The following FILIP1L variants were observed in gnomAD, a reference collection of about 807,000 sequenced individuals.
The protein encoded by FILIP1L is filamin A-interacting protein 1-like.
Under a neutral mutation model 96.6 loss-of-function variants are expected in FILIP1L, and 55 were observed. That is an observed-to-expected ratio of 0.57 (90% CI 0.46 to 0.71). The LOEUF is 0.71. Ranked by LOEUF, FILIP1L falls within the 30% of genes least tolerant of loss-of-function variation. FILIP1L has a pLI of 0.00. For synonymous variants in FILIP1L, 467 were observed against 473.9 expected (o/e 0.99, Z 0.19); for missense variants, 1,304 against 1,321.2 (o/e 0.99, Z 0.20).
At chr3:100,088,082 C>T (rs939655046) in intron 1 of FILIP1L, among the ~76,000 whole-genome samples, 4 of 152,032 alleles carry the variant, frequency 2.6e-5, no homozygotes, top group African/African-American at 7.2e-5. Context: ...CTGCCTGCCT[C>T]GGCCTCCCAA....
rs181565676 is a variant in FILIP1L at position 100,101,577 on chromosome 3, G to A, written c.-11+12476C>T. The stretch of plus-strand genomic sequence containing the variant: ...CTTCAAAGTAACACATGCACTCTCT[G>A]ATCCAGTCCAACACAGGAGGGGTTG... On this transcript the variant is annotated intron_variant, in intron 1 of 5. Transcript: ENST00000477258. Among the ~76,000 whole-genome samples the A allele has an allele frequency of 5.9e-5, 9 of 152,230 alleles. No homozygotes were observed. In the East Asian group the frequency reaches 1.7e-3, roughly 29 times the overall value.
At position 99,849,011 on chromosome 3, in the gene FILIP1L, G is replaced by T; in HGVS notation, c.2665C>A (p.Pro889Thr). ...GTGTGGCTTAGGACTAGATCTCCAG[G>T]TTGCACAAAGTTGGCATTGGGTTTA... ...QTKPNANFVQ[P>T]GDLVLSHTPG... Residue 889 changes from proline to threonine, a missense_variant, in exon 5 of 6, where the codon CCT becomes ACT. By Grantham distance (38) the Pro-to-Thr change is conservative (BLOSUM62 -1). Coordinates refer to ENST00000477258, the MANE Select transcript of FILIP1L (RefSeq NM_001387850.1). 1 of 1,614,124 alleles carries T rather than the reference G, an allele frequency of 6.2e-7. No individual in the cohort carries two copies. The highest frequency in any genetic ancestry group is 1.1e-5 in the South Asian group (1 of 91,072).
intron 1 of FILIP1L, among the ~76,000 whole-genome samples, chr3:100,111,207 A>G (rs777573150): frequency 3.3e-5 from 5 of 152,158 alleles, no homozygotes; most frequent in Non-Finnish European, 7.4e-5. Flanking sequence ...ATGGAGGCAG[A>G]AAGAGGATGG....
chr3:100,009,409 G>A (rs1474617311), intron 1 of FILIP1L, among the ~76,000 whole-genome samples: 2 of 152,134 alleles, frequency 1.3e-5, no homozygotes, highest in African/African-American at 4.8e-5. Context: ...GCTCCTGTTA[G>A]CAACCTGAGC....
chr3:100,101,433 T>A (rs994681593), intron 1 of FILIP1L, among the ~76,000 whole-genome samples: 1 of 151,964 alleles, frequency 6.6e-6, no homozygotes, highest in Non-Finnish European at 1.5e-5. Flanking sequence ...GTAAAGTAGA[T>A]CGGGTTAGAA....
At chr3:100,048,433 A>C (rs1265179350) in intron 1 of FILIP1L, among the ~76,000 whole-genome samples, 2 of 152,130 alleles carry the variant, frequency 1.3e-5, no homozygotes. Context: ...GAGTAGAGCC[A>C]GCTCTTCCCT....
intron 4 of FILIP1L, among the ~76,000 whole-genome samples, chr3:99,864,912 G>A (rs1239923012): frequency 3.3e-5 from 5 of 152,054 alleles, no homozygotes; most frequent in East Asian, 1.9e-4. Context: ...GTGTGTATGT[G>A]CGCACACACG....
At chr3:100,022,120 A>G (rs1317803820) in intron 1 of FILIP1L, among the ~76,000 whole-genome samples, 1 of 152,212 alleles carries the variant, frequency 6.6e-6, no homozygotes, top group Non-Finnish European at 1.5e-5. Flanking sequence ...TTAAATAAAA[A>G]TAGAGGGAAG....
chr3:99,837,298 GT>G (rs1344273033), intron 5 of FILIP1L, among the ~76,000 whole-genome samples: 1 of 152,058 alleles, frequency 6.6e-6, no homozygotes, highest in Non-Finnish European at 1.5e-5. Flanking sequence ...GCAGTTTTTA[GT>G]TAGCTCCTGT....
Position 100,098,230 on chromosome 3 carries a change from C to T in FILIP1L, c.-11+15823G>A, listed in dbSNP as rs114909589. On this transcript the variant is annotated intron_variant, in intron 1 of 5. Coordinates refer to ENST00000477258, the MANE Select transcript of FILIP1L (RefSeq NM_001387850.1). ...ATGACAGGTAAAAAAACAAACTACA[C>T]GGTACCTGTATTGGTGATGATAAGC... 4.6e-3 allele frequency among the ~76,000 whole-genome samples: 707 copies of T among 152,246 alleles called. 2 individuals are homozygous for T. The highest frequency in any genetic ancestry group is 7.1e-3 in the South Asian group (34 of 4,816).
intron 4 of FILIP1L, among the ~76,000 whole-genome samples, chr3:99,871,407 C>G (rs897268739): frequency 1.4e-4 from 21 of 152,124 alleles, no homozygotes; most frequent in Admixed American, 2.0e-4. Flanking sequence ...CTAATTGTAC[C>G]TCGGTACTTT....
At chr3:100,106,694 C>G (rs1171237705) in intron 1 of FILIP1L, among the ~76,000 whole-genome samples, 1 of 152,182 alleles carries the variant, frequency 6.6e-6, no homozygotes. Flanking sequence ...CACCTTCCTG[C>G]TGTAAATGTA....
chr3:99,877,443 T>C (rs1705572783), intron 4 of FILIP1L, among the ~76,000 whole-genome samples: 1 of 152,184 alleles, frequency 6.6e-6, no homozygotes, highest in Non-Finnish European at 1.5e-5. Flanking sequence ...CAACATTAAA[T>C]GTATGTCCTC....
chr3:99,978,798 T>C (rs185810625), intron 1 of FILIP1L, among the ~76,000 whole-genome samples: 1 of 151,018 alleles, frequency 6.6e-6, no homozygotes, highest in East Asian at 1.9e-4. Context: ...GGCACGAGAG[T>C]CACTTGAACC....
At chr3:99,874,501 A>G (rs1705404476) in intron 4 of FILIP1L, 1 of 152,232 alleles carries the variant, frequency 6.6e-6, no homozygotes, top group Admixed American at 6.5e-5. Flanking sequence ...GTTTGAAATA[A>G]TAGTTTGTGG....
rs116317898 is a variant in FILIP1L at position 99,995,716 on chromosome 3, G to T, written c.-10-64686C>A. Among the ~76,000 whole-genome samples the T allele has an allele frequency of 2.5e-3, 388 of 152,332 alleles. 2 individuals carry two copies. The highest frequency in any genetic ancestry group is 8.8e-3 in the African/African-American group (368 of 41,582). On this transcript the variant is annotated intron_variant, in intron 1 of 5. Coordinates refer to ENST00000477258, the MANE Select transcript of FILIP1L (RefSeq NM_001387850.1). The stretch of plus-strand genomic sequence containing the variant: ...CCAAACCCCAATCCTTGACTTCTGT[G>T]CACTCACAGGTTCAACACCACGTGG...
chr3:100,076,198 C>T (rs1379231103), intron 1 of FILIP1L, among the ~76,000 whole-genome samples: 1 of 152,160 alleles, frequency 6.6e-6, no homozygotes, highest in African/African-American at 2.4e-5. Flanking sequence ...AGTTAAGTAC[C>T]TCTTTTTGTC....
intron 1 of FILIP1L, among the ~76,000 whole-genome samples, chr3:99,999,251 G>A (rs1709773993): frequency 1.3e-5 from 2 of 152,144 alleles, no homozygotes; most frequent in African/African-American, 2.4e-5. Flanking sequence ...TCTCACTGTA[G>A]CAAGGAGGAA....
At chr3:100,006,286 C>T (rs1306487619) in intron 1 of FILIP1L, among the ~76,000 whole-genome samples, 2 of 152,086 alleles carry the variant, frequency 1.3e-5, no homozygotes, top group Non-Finnish European at 2.9e-5. Flanking sequence ...TTTTTGTTGT[C>T]TTTGAATTGT....
Sources: gnomAD v4.1 joint callset for allele counts (sites outside exome capture counted in the v4.1 genomes callset) on GRCh38, gnomAD v4.1.1 for gene constraint, MANE v1.5 for transcripts, NCBI Gene and HGNC (gene_info 2026-07-23, HGNC 2026-07-21) for gene names.